Variants in DAP observed in about 807,000 individuals in gnomAD.
DAP encodes the protein death associated protein, also known as death-associated protein 1.
DAP carries 8 observed loss-of-function variants against 13.8 expected under a neutral mutation model. The ratio of observed to expected loss-of-function variants is 0.58; its 90% CI spans 0.34 to 1.05. DAP has a LOEUF of 1.05. Among genes scored for constraint, DAP ranks in the 50% least tolerant of loss-of-function variants. The probability of loss-of-function intolerance (pLI) is 0.03; values close to 1 mark genes in which losing one functional copy is unlikely to be tolerated. For synonymous variants in DAP, 47 were observed against 47.5 expected (o/e 0.99, Z 0.04); for missense variants, 106 against 133.2 (o/e 0.80, Z 1.01).
chr5:10,687,152 A>G (rs534563573), intron 2 of DAP, among the ~76,000 whole-genome samples: 1 of 152,312 alleles, frequency 6.6e-6, no homozygotes, highest in South Asian at 2.1e-4. Context: ...CCTACTGCTC[A>G]GAAAAAAAGA....
intron 2 of DAP, among the ~76,000 whole-genome samples, chr5:10,741,769 TCA>T (rs1348185450): frequency 8.5e-5 from 13 of 152,350 alleles, no homozygotes; most frequent in Admixed American, 6.5e-4. Context: ...TCGTGGTCAT[TCA>T]CAGACACAGG....
chr5:10,681,034 G>T lies in DAP; in HGVS notation c.*22C>A. ...AAGTGCAGCAGAGCCGGGGCCATGG[G>T]GCAGGCTGGTGGACTCCAGGCTCAC... On this transcript the variant is annotated 3_prime_UTR_variant, in exon 4 of 4. Transcript: ENST00000230895. 1 of 1,575,652 alleles carries T rather than the reference G, an allele frequency of 6.3e-7. No homozygotes were observed.
chr5:10,712,194 C>T (rs1049068043), intron 2 of DAP, among the ~76,000 whole-genome samples: 1 of 152,184 alleles, frequency 6.6e-6, no homozygotes, highest in East Asian at 1.9e-4. Flanking sequence ...CGGCCATCTA[C>T]AAGCCAATGA....
chr5:10,737,233 C>T (rs1739633693), intron 2 of DAP, among the ~76,000 whole-genome samples: 2 of 151,912 alleles, frequency 1.3e-5, no homozygotes, highest in Non-Finnish European at 2.9e-5. Context: ...GTAATCCCAG[C>T]TACTCGGGAG....
chr5:10,748,311 G>A (rs1348359347), intron 1 of DAP, 40 bp from the exon 2 acceptor site: 2 of 1,558,416 alleles, frequency 1.3e-6, no homozygotes, highest in East Asian at 4.5e-5. Flanking sequence ...ATGTGGAAAT[G>A]GGGCTGCCTG....
chr5:10,703,532 G>A (rs370620841), intron 2 of DAP, among the ~76,000 whole-genome samples: 2 of 152,336 alleles, frequency 1.3e-5, no homozygotes, highest in South Asian at 2.1e-4. Flanking sequence ...GTAGTCCAGT[G>A]AAGTTAGCTC....
chr5:10,729,079 C>T (rs1032401717), intron 2 of DAP, among the ~76,000 whole-genome samples: 17 of 152,122 alleles, frequency 1.1e-4, no homozygotes, highest in African/African-American at 3.9e-4. Context: ...TCTCAACCCA[C>T]GGAACTTATT....
intron 2 of DAP, among the ~76,000 whole-genome samples, chr5:10,715,643 A>T (rs1255845846): frequency 1.3e-5 from 2 of 152,248 alleles, no homozygotes; most frequent in Non-Finnish European, 2.9e-5. Flanking sequence ...AAAAATGCTA[A>T]GAAGAATTAA....
chr5:10,722,153 A>G (rs1739159250), intron 2 of DAP, among the ~76,000 whole-genome samples: 1 of 152,176 alleles, frequency 6.6e-6, no homozygotes, highest in African/African-American at 2.4e-5. Context: ...GAAGGATGCA[A>G]TATTGATCCT....
intron 2 of DAP, among the ~76,000 whole-genome samples, chr5:10,715,715 C>T (rs920355354): frequency 2.0e-5 from 3 of 152,164 alleles, no homozygotes; most frequent in African/African-American, 7.2e-5. Flanking sequence ...GTGAGTCTTC[C>T]GATGCCACGG....
intron 2 of DAP, among the ~76,000 whole-genome samples, chr5:10,710,139 C>G (rs1212502025): frequency 6.6e-6 from 1 of 152,192 alleles, no homozygotes; most frequent in African/African-American, 2.4e-5. Context: ...GCAAACGACC[C>G]CTCCCCTTCC....
intron 2 of DAP, among the ~76,000 whole-genome samples, chr5:10,717,290 A>G (rs1356330741): frequency 6.6e-6 from 1 of 152,186 alleles, no homozygotes; most frequent in African/African-American, 2.4e-5. Context: ...AATTGTGGAA[A>G]AACAGACACA....
At chr5:10,739,821 G>A (rs371753513) in intron 2 of DAP, among the ~76,000 whole-genome samples, 2,562 of 136,818 alleles carry the variant, frequency 0.019, 54 homozygotes, top group African/African-American at 0.065. Context: ...ACACACACAC[G>A]AATGGGTTTG....
At chr5:10,709,939 T>C (rs115280740) in intron 2 of DAP, among the ~76,000 whole-genome samples, 294 of 152,308 alleles carry the variant, frequency 1.9e-3, no homozygotes, top group Admixed American at 3.6e-3. Context: ...CATTTCTATA[T>C]ACTACATAAG....
chr5:10,712,755 G>A (rs143913068), intron 2 of DAP, among the ~76,000 whole-genome samples: 54 of 152,300 alleles, frequency 3.5e-4, no homozygotes, highest in African/African-American at 1.2e-3. Context: ...TGAAGCTGGC[G>A]GGAATGCCCT....
intron 1 of DAP, among the ~76,000 whole-genome samples, chr5:10,757,527 G>A (rs1309573064): frequency 9.9e-5 from 15 of 152,142 alleles, no homozygotes; most frequent in Admixed American, 9.8e-4. Context: ...CCCCACCTGG[G>A]TCTCCCAAAG....
intron 2 of DAP, among the ~76,000 whole-genome samples, chr5:10,737,030 C>A (rs1160734270): frequency 1.3e-5 from 2 of 152,208 alleles, no homozygotes; most frequent in Non-Finnish European, 2.9e-5. Context: ...TGGGCCCTGT[C>A]TGCCAGCACA....
At chr5:10,727,922 C>T (rs1739332699) in intron 2 of DAP, among the ~76,000 whole-genome samples, 5 of 152,030 alleles carry the variant, frequency 3.3e-5, no homozygotes, top group Admixed American at 2.0e-4. Context: ...GATGTAAATG[C>T]TATGTAAATA....
At chr5:10,759,744 CTTTTTTTTT>C (rs1169454640) in intron 1 of DAP, among the ~76,000 whole-genome samples, 4 of 88,202 alleles carry the variant, frequency 4.5e-5, no homozygotes, top group African/African-American at 9.1e-5. Context: ...TAATGGGAAT[CTTTTTTTTT>C]TTTTTTTTTT....
Sources: allele counts gnomAD v4.1 joint callset (sites outside exome capture counted in the v4.1 genomes callset), GRCh38; gene constraint gnomAD v4.1.1; transcripts MANE v1.5; gene names NCBI Gene and HGNC (gene_info 2026-07-23, HGNC 2026-07-21).